The following HAVCR1 variants were observed in gnomAD, a reference collection of about 807,000 sequenced individuals.
The protein encoded by HAVCR1 is hepatitis A virus cellular receptor 1, also known as T cell immunoglobin domain and mucin domain protein 1.
In HAVCR1, 34 loss-of-function variants were observed where a neutral mutation model predicts 32.0. The observed-to-expected ratio is 1.06, with a 90% CI of 0.81 to 1.42. The LOEUF is 1.42. HAVCR1 is among the 40% of genes most tolerant of loss of function. HAVCR1 has a pLI of 0.00. For synonymous variants in HAVCR1, 178 were observed against 170.3 expected (o/e 1.05, Z -0.35); for missense variants, 420 against 442.3 (o/e 0.95, Z 0.45).
At chr5:157,060,714 C>T (rs1756467812), upstream of HAVCR1, among the ~76,000 whole-genome samples, 1 of 152,022 alleles carries the variant, frequency 6.6e-6, no homozygotes. Context: ...GGAGCCAGTG[C>T]TCTGAGATGT....
chr5:157,062,328 G>A (rs780547769), upstream of HAVCR1, among the ~76,000 whole-genome samples: 4 of 152,016 alleles, frequency 2.6e-5, no homozygotes, highest in East Asian at 1.9e-4. Flanking sequence ...AGCTGAGATC[G>A]TGCCACTGCA....
rs142960393 is a variant in HAVCR1, at chr5:157,031,649, G to A, written c.986+1205C>T. 4.0e-3 allele frequency among the ~76,000 whole-genome samples: 608 copies of A among 152,054 alleles called. 6 individuals are homozygous for A. The highest frequency in any genetic ancestry group is 0.013 in the African/African-American group (556 of 41,494). On this transcript the variant is annotated intron_variant, in intron 8 of 8. Coordinates refer to ENST00000523175, the MANE Select transcript of HAVCR1 (RefSeq NM_001173393.3). ...GACCAGCCTAACATGGCAGAACCCCGTCTCTATTAAAAATACAAAAATTAG... is the reference window on the plus strand; with the variant it reads ...GACCAGCCTAACATGGCAGAACCCCATCTCTATTAAAAATACAAAAATTAG...
chr5:157,037,726 T>C (rs1041617822), intron 6 of HAVCR1, among the ~76,000 whole-genome samples: 2 of 152,264 alleles, frequency 1.3e-5, no homozygotes, highest in South Asian at 2.1e-4. Context: ...TCTTGTGATA[T>C]TAAAAAAGAA....
intron 5 of HAVCR1, among the ~76,000 whole-genome samples, chr5:157,044,625 G>GAAAAAGAAAC (rs1168167052): frequency 1.9e-5 from 1 of 51,928 alleles, no homozygotes; most frequent in African/African-American, 6.9e-5. Context: ...GAGAAAGAAA[G>GAAAAAGAAAC]AAAGAAAGAA....
At chr5:157,035,360 T>C (rs1040798045) in intron 7 of HAVCR1, among the ~76,000 whole-genome samples, 1 of 152,180 alleles carries the variant, frequency 6.6e-6, no homozygotes, top group South Asian at 2.1e-4. Flanking sequence ...CCTAGACCCA[T>C]GAACTAAATC....
the HAVCR1 span, among the ~76,000 whole-genome samples, chr5:157,067,391 C>T: frequency 6.6e-6 from 1 of 152,182 alleles, no homozygotes; most frequent in Non-Finnish European, 1.5e-5. Flanking sequence ...AACCAAATTG[C>T]TTATACTCAC....
chr5:157,038,539 T>C (rs570380140), intron 6 of HAVCR1, among the ~76,000 whole-genome samples: 1 of 152,334 alleles, frequency 6.6e-6, no homozygotes, highest in East Asian at 1.9e-4. Context: ...ACATAGACAG[T>C]AGATTCAATA....
intron 1 of HAVCR1, chr5:157,058,407 C>A (rs2113653504): frequency 6.5e-6 from 1 of 154,328 alleles, no homozygotes; most frequent in East Asian, 1.9e-4. Context: ...ACTAAAAATA[C>A]AAAAAATTAG....
intron 3 of HAVCR1, 40 bp downstream of exon 3, chr5:157,055,161 A>T: frequency 9.0e-7 from 1 of 1,111,536 alleles, no homozygotes; most frequent in South Asian, 1.6e-5. Flanking sequence ...CCGAACAGAA[A>T]ATTCAATTAA....
At chr5:157,068,307 G>C in the HAVCR1 span, among the ~76,000 whole-genome samples, 2 of 150,752 alleles carry the variant, frequency 1.3e-5, no homozygotes, top group African/African-American at 4.9e-5. Flanking sequence ...AGCAAGGCTG[G>C]GTGCTGTGGC....
upstream of HAVCR1, among the ~76,000 whole-genome samples, chr5:157,060,478 C>T (rs60048040): frequency 0.019 from 2,940 of 152,164 alleles, 51 homozygotes; most frequent in African/African-American, 0.046. Context: ...ATATGACCTC[C>T]CTGGACATTT....
the HAVCR1 span, among the ~76,000 whole-genome samples, chr5:157,067,710 CA>C: frequency 6.6e-6 from 1 of 151,912 alleles, no homozygotes; most frequent in East Asian, 1.9e-4. Flanking sequence ...TTTTTTGAGA[CA>C]AAGTTTCACT....
chr5:157,048,635 C>T (rs1035513273), intron 5 of HAVCR1, among the ~76,000 whole-genome samples: 1 of 152,102 alleles, frequency 6.6e-6, no homozygotes, highest in Non-Finnish European at 1.5e-5. Flanking sequence ...TCGAGACAAT[C>T]GTGACTAAGA....
intron 8 of HAVCR1, 53 bp downstream of exon 8, chr5:157,032,801 T>C (rs754558797): frequency 6.6e-5 from 71 of 1,068,924 alleles, no homozygotes; most frequent in Non-Finnish European, 9.2e-5. Flanking sequence ...TCTATTTTTA[T>C]TTTACCAGAG....
At chr5:157,066,055 T>TAAAAAAAAGAAAAAAAAAAAAAAAA in the HAVCR1 span, among the ~76,000 whole-genome samples, 1 of 66,936 alleles carries the variant, frequency 1.5e-5, no homozygotes. Context: ...GACTCCGTCT[T>TAAAAAAAAGAAAAAAAAAAAAAAAA]AAAAAAAAAA....
intron 7 of HAVCR1, among the ~76,000 whole-genome samples, chr5:157,034,071 A>G (rs1408813643): frequency 1.3e-5 from 2 of 152,186 alleles, no homozygotes; most frequent in African/African-American, 4.8e-5. Context: ...GAGAAAAGAA[A>G]TAAGACACAG....
chr5:157,048,103 C>A (rs1187262387), intron 5 of HAVCR1, among the ~76,000 whole-genome samples: 1 of 152,154 alleles, frequency 6.6e-6, no homozygotes, highest in African/African-American at 2.4e-5. Context: ...ATAGCGAGGA[C>A]ACAAACATTC....
intron 6 of HAVCR1, 122 bp from the exon 7 acceptor site, chr5:157,037,483 T>C: frequency 1.6e-6 from 1 of 615,606 alleles, no homozygotes; most frequent in Non-Finnish European, 2.9e-6. Context: ...TTCTGGAACA[T>C]AAGGGTAAGA....
the HAVCR1 span, among the ~76,000 whole-genome samples, chr5:157,066,779 G>A: frequency 6.6e-6 from 1 of 152,090 alleles, no homozygotes; most frequent in Non-Finnish European, 1.5e-5. Flanking sequence ...CAGTGAAAAA[G>A]GAAACAGTTA....
Sources: allele counts gnomAD v4.1 joint callset (sites outside exome capture counted in the v4.1 genomes callset), GRCh38; gene constraint gnomAD v4.1.1; transcripts MANE v1.5; gene names NCBI Gene and HGNC (gene_info 2026-07-23, HGNC 2026-07-21).